Variants in RCAN1 observed in about 807,000 individuals in gnomAD.
RCAN1 encodes the protein calcipressin-1.
In RCAN1, 11 loss-of-function variants were observed where a neutral mutation model predicts 22.9. The observed-to-expected ratio is 0.48, with a 90% CI of 0.30 to 0.79. The LOEUF is 0.79. RCAN1 is among the 30% of genes least tolerant of loss of function. The pLI, the probability that RCAN1 is intolerant of heterozygous loss-of-function variation, is 0.06. For synonymous variants in RCAN1, 136 were observed against 142.3 expected (o/e 0.96, Z 0.32); for missense variants, 291 against 337.8 (o/e 0.86, Z 1.09).
At chr21:34,556,961 C>A (rs1601171182) in intron 1 of RCAN1, among the ~76,000 whole-genome samples, 1 of 152,226 alleles carries the variant, frequency 6.6e-6, no homozygotes, top group African/African-American at 2.4e-5. Flanking sequence ...CGCCTGTAAT[C>A]CCAACACTTG....
At chr21:34,571,849 A>G (rs1035087104) in intron 1 of RCAN1, among the ~76,000 whole-genome samples, 54 of 152,328 alleles carry the variant, frequency 3.5e-4, no homozygotes, top group Middle Eastern at 3.4e-3. Context: ...TGCCTGCCAG[A>G]TAAAAATTTT....
At chr21:34,568,441 A>G (rs1987112321) in intron 1 of RCAN1, among the ~76,000 whole-genome samples, 1 of 152,218 alleles carries the variant, frequency 6.6e-6, no homozygotes, top group Non-Finnish European at 1.5e-5. Context: ...CAACTTCACA[A>G]TGAAGTGAGC....
At chr21:34,598,105 A>G (rs1393544011) in intron 1 of RCAN1, among the ~76,000 whole-genome samples, 4 of 152,246 alleles carry the variant, frequency 2.6e-5, no homozygotes, top group Non-Finnish European at 5.9e-5. Flanking sequence ...CTCCCTAAGT[A>G]ACTATAAACC....
chr21:34,570,405 G>A (rs1394145368), intron 1 of RCAN1, among the ~76,000 whole-genome samples: 2 of 152,204 alleles, frequency 1.3e-5, no homozygotes, highest in East Asian at 1.9e-4. Flanking sequence ...GGTGTAAGAG[G>A]TCTGGTAAAT....
intron 1 of RCAN1, among the ~76,000 whole-genome samples, chr21:34,572,403 C>T (rs1479222334): frequency 6.6e-6 from 1 of 152,110 alleles, no homozygotes; most frequent in Non-Finnish European, 1.5e-5. Context: ...TAAGGGACAT[C>T]CTGGGGCTGG....
chr21:34,534,372 C>T (rs1489327244), intron 1 of RCAN1, among the ~76,000 whole-genome samples: 1 of 152,014 alleles, frequency 6.6e-6, no homozygotes, highest in Non-Finnish European at 1.5e-5. Flanking sequence ...CCCCATCCCC[C>T]AACTAAGTGT....
In RCAN1 at chr21:34,521,475, C is replaced by T; in HGVS notation, c.586+24G>A. Reference sequence around the variant, plus strand: ...AGCAGCTGTGTCTCCCCCTGCCTCCCTCCCACCCGAGGGCCCTGCTCACCT... The same window carrying T: ...AGCAGCTGTGTCTCCCCCTGCCTCCTTCCCACCCGAGGGCCCTGCTCACCT... On this transcript the variant is annotated intron_variant, in intron 3 of 3. Coordinates refer to ENST00000313806, the MANE Select transcript of RCAN1 (RefSeq NM_004414.7). The T allele has an allele frequency of 3.1e-6, 5 of 1,613,994 alleles. No individual in the cohort carries two copies. In the South Asian group the frequency reaches 4.4e-5, roughly 14 times the overall value.
chr21:34,552,347 T>C (rs1434222236), intron 1 of RCAN1, among the ~76,000 whole-genome samples: 1 of 152,152 alleles, frequency 6.6e-6, no homozygotes, highest in Non-Finnish European at 1.5e-5. Flanking sequence ...CATAGTAAGG[T>C]CTGGGAGGCA....
At chr21:34,533,396 AT>A in intron 1 of RCAN1, among the ~76,000 whole-genome samples, 1 of 152,312 alleles carries the variant, frequency 6.6e-6, no homozygotes, top group South Asian at 2.1e-4. Flanking sequence ...TTTTAATCAA[AT>A]AAAAGCAATT....
chr21:34,563,821 G>GAGC (rs1986903682), intron 1 of RCAN1, among the ~76,000 whole-genome samples: 1 of 67,872 alleles, frequency 1.5e-5, no homozygotes. Context: ...AGAGAGAGAG[G>GAGC]CAGGCATGGT....
intron 1 of RCAN1, among the ~76,000 whole-genome samples, chr21:34,554,443 G>A (rs1286285467): frequency 6.6e-6 from 1 of 152,186 alleles, no homozygotes; most frequent in Non-Finnish European, 1.5e-5. Flanking sequence ...ACTGGCTGCT[G>A]AAACCACCAG....
chr21:34,520,320 C>T (rs971360094), intron 3 of RCAN1, among the ~76,000 whole-genome samples: 2 of 152,176 alleles, frequency 1.3e-5, no homozygotes, highest in African/African-American at 4.8e-5. Flanking sequence ...CTGTTTTCTC[C>T]CATTCCTAAC....
chr21:34,520,588 T>C (rs1031251484), intron 3 of RCAN1, among the ~76,000 whole-genome samples: 3 of 152,216 alleles, frequency 2.0e-5, no homozygotes, highest in Non-Finnish European at 4.4e-5. Flanking sequence ...GAACATCAGA[T>C]TGCTGGTCAA....
intron 1 of RCAN1, among the ~76,000 whole-genome samples, chr21:34,607,492 C>G (rs776300608): frequency 3.3e-5 from 5 of 151,872 alleles, no homozygotes; most frequent in Admixed American, 1.3e-4. Flanking sequence ...AGGGTTCAAG[C>G]GATTCTCATG....
chr21:34,533,925 C>T (rs1985548746), intron 1 of RCAN1, among the ~76,000 whole-genome samples: 1 of 152,092 alleles, frequency 6.6e-6, no homozygotes, highest in African/African-American at 2.4e-5. Context: ...ATGCTGCAAG[C>T]CCAGCAAGGA....
At chr21:34,552,339 T>A (rs561021040) in intron 1 of RCAN1, among the ~76,000 whole-genome samples, 2 of 152,294 alleles carry the variant, frequency 1.3e-5, no homozygotes, top group Admixed American at 1.3e-4. Flanking sequence ...CTCCTGTACA[T>A]AGTAAGGTCT....
At position 34,614,851 on chromosome 21, in the gene RCAN1, C is replaced by G. The variant is rs1473646554; in HGVS notation, c.161G>C (p.Cys54Ser). The change falls in exon 1 of 4, where the codon TGC (cysteine) becomes TCC (serine). Residue 54 changes from cysteine to serine, a missense_variant. By Grantham distance (112) the Cys-to-Ser change is moderately radical. Coordinates refer to ENST00000313806, the MANE Select transcript of RCAN1 (RefSeq NM_004414.7). This position sits in a 1 kb window ranked among gnomAD's most constrained non-coding sequence, Gnocchi z 6.0. Reference protein sequence around the residue: ...EGGGDWSFIDCEMEEVDLQDL... With the variant: ...EGGGDWSFIDSEMEEVDLQDL... ...CTGCAGGTCCACCTCCTCCATCTCG[C>G]AGTCAATGAAGCTCCAGTCGCCGCC... 1 of 1,479,338 alleles carries G rather than the reference C, an allele frequency of 6.8e-7. No homozygotes were observed. The highest frequency in any genetic ancestry group is 2.1e-5 in the Admixed American group (1 of 47,570). The allele number at this position is 1,479,338 out of a possible 1,614,324, so 91.6% of individuals were successfully genotyped here. A position where few individuals can be genotyped will look rare whatever the true frequency, so the allele number is the denominator to read the frequency against.
At chr21:34,520,493 T>C (rs1319522790) in intron 3 of RCAN1, among the ~76,000 whole-genome samples, 1 of 152,222 alleles carries the variant, frequency 6.6e-6, no homozygotes, top group Non-Finnish European at 1.5e-5. Context: ...AGAGGGAATT[T>C]CCGTTTGGAC....
chr21:34,596,661 G>A (rs1293823421), intron 1 of RCAN1, among the ~76,000 whole-genome samples: 1 of 152,218 alleles, frequency 6.6e-6, no homozygotes, highest in East Asian at 1.9e-4. Context: ...TAGAAGCACT[G>A]GAAAATACAT....
Sources: gnomAD v4.1 joint callset for allele counts (sites outside exome capture counted in the v4.1 genomes callset) on GRCh38, gnomAD v4.1.1 for gene constraint, Gnocchi (gnomAD v3.1) non-coding constraint, MANE v1.5 for transcripts, NCBI Gene and HGNC (gene_info 2026-07-23, HGNC 2026-07-21) for gene names.